KCNH1: variants seen among roughly 807,000 people sequenced by gnomAD.
KCNH1 encodes potassium voltage-gated channel subfamily H member 1.
A neutral mutation model predicts 69.2 loss-of-function variants in KCNH1; 27 were observed. The observed-to-expected ratio is 0.39, with a 90% CI of 0.29 to 0.54. The LOEUF is 0.54. KCNH1 is among the 20% of genes least tolerant of loss of function. KCNH1 has a pLI of 0.68. For synonymous variants in KCNH1, 456 were observed against 487.7 expected (o/e 0.93, Z 0.86); for missense variants, 798 against 1,261.6 (o/e 0.63, Z 5.57).
intron 9 of KCNH1, among the ~76,000 whole-genome samples, chr1:210,785,173 C>G (rs1024329210): frequency 6.6e-6 from 1 of 152,082 alleles, no homozygotes; most frequent in African/African-American, 2.4e-5. Flanking sequence ...CAAGGCTAGG[C>G]AGGACTATTG....
intron 10 of KCNH1, among the ~76,000 whole-genome samples, chr1:210,707,361 A>C (rs1380005555): frequency 2.0e-5 from 3 of 152,126 alleles, no homozygotes; most frequent in African/African-American, 7.2e-5. Flanking sequence ...GTCTGCCTGT[A>C]ATAAGGCAGG....
chr1:210,935,085 T>C lies in KCNH1; in HGVS notation c.1033-15016A>G, dbSNP rs192062685. ...AATAGCTAAGATATGGAATTTACCT[T>C]AGTGTCATCAACAGATAAATGGGCA... On this transcript the variant is annotated intron_variant, in intron 6 of 10. Transcript: ENST00000271751. Among the ~76,000 whole-genome samples the C allele has an allele frequency of 5.9e-3, 881 of 148,930 alleles. 10 individuals carry two copies. The highest frequency in any genetic ancestry group is 0.021 in the African/African-American group (839 of 40,304).
At chr1:210,891,807 C>T (rs1177641522) in intron 7 of KCNH1, among the ~76,000 whole-genome samples, 2 of 152,108 alleles carry the variant, frequency 1.3e-5, no homozygotes, top group Non-Finnish European at 1.5e-5. Context: ...AGACTTGGAA[C>T]CAACCCAAAT....
intron 10 of KCNH1, among the ~76,000 whole-genome samples, chr1:210,732,961 G>A (rs1304939333): frequency 6.6e-6 from 1 of 152,196 alleles, no homozygotes; most frequent in Admixed American, 6.5e-5. Flanking sequence ...TTCTGGATTA[G>A]GTGATGGGTC....
intron 5 of KCNH1, among the ~76,000 whole-genome samples, chr1:211,025,013 C>T (rs1012151943): frequency 3.3e-5 from 5 of 152,160 alleles, no homozygotes; most frequent in Non-Finnish European, 1.5e-5. Flanking sequence ...TTACATTTCC[C>T]TGAGTAACTC....
intron 6 of KCNH1, among the ~76,000 whole-genome samples, chr1:210,995,493 A>G (rs1245240602): frequency 6.6e-6 from 1 of 152,200 alleles, no homozygotes; most frequent in Admixed American, 6.5e-5. Flanking sequence ...CAGTACACAC[A>G]CAACTCTTAA....
intron 6 of KCNH1, among the ~76,000 whole-genome samples, chr1:210,980,083 C>T (rs1275011910): frequency 1.3e-5 from 2 of 152,134 alleles, no homozygotes; most frequent in Admixed American, 6.5e-5. Flanking sequence ...TATGCTTTTT[C>T]CTTCTATGTT....
intron 5 of KCNH1, among the ~76,000 whole-genome samples, chr1:211,026,771 C>T (rs924662948): frequency 2.0e-5 from 3 of 152,174 alleles, no homozygotes; most frequent in African/African-American, 7.2e-5. Flanking sequence ...TCCACCACTG[C>T]CCAGCAGTCA....
At chr1:211,062,069 T>A (rs933354890) in intron 5 of KCNH1, among the ~76,000 whole-genome samples, 1 of 152,084 alleles carries the variant, frequency 6.6e-6, no homozygotes, top group Non-Finnish European at 1.5e-5. Flanking sequence ...CAAATTATAC[T>A]ACAAAGCTGT....
intron 10 of KCNH1, among the ~76,000 whole-genome samples, chr1:210,731,232 G>A (rs755009919): frequency 2.6e-5 from 4 of 152,298 alleles, no homozygotes; most frequent in South Asian, 2.1e-4. Context: ...TACAGTGAGC[G>A]TGTATCCATG....
At chr1:211,119,967 A>G (rs1691658077) in intron 1 of KCNH1, among the ~76,000 whole-genome samples, 1 of 152,204 alleles carries the variant, frequency 6.6e-6, no homozygotes, top group Admixed American at 6.5e-5. Flanking sequence ...CATCAAATTA[A>G]TTTTAAAACA....
chr1:210,940,322 C>T (rs1687855139), intron 6 of KCNH1, among the ~76,000 whole-genome samples: 2 of 152,220 alleles, frequency 1.3e-5, no homozygotes, highest in South Asian at 4.1e-4. Flanking sequence ...AGCCTGTAAG[C>T]TGCAATGCAG....
At chr1:210,797,797 C>T (rs1375279849) in intron 8 of KCNH1, 37 bp from the exon 9 acceptor site, 1 of 1,588,532 alleles carries the variant, frequency 6.3e-7, no homozygotes, top group East Asian at 2.2e-5. Context: ...TGAGGGTCCT[C>T]ACTGTGGCCT....
chr1:211,071,783 A>C (rs576218020), intron 5 of KCNH1, among the ~76,000 whole-genome samples: 1 of 152,206 alleles, frequency 6.6e-6, no homozygotes, highest in African/African-American at 2.4e-5. Flanking sequence ...AAAAATTTTC[A>C]GTATACTTAT....
chr1:210,774,641 G>A (rs1219561476), intron 10 of KCNH1, among the ~76,000 whole-genome samples: 2 of 152,280 alleles, frequency 1.3e-5, no homozygotes, highest in African/African-American at 4.8e-5. Flanking sequence ...AACCAAAAGA[G>A]TCAGAGAGAT....
chr1:210,924,105 C>T (rs1012355702), intron 6 of KCNH1, among the ~76,000 whole-genome samples: 3 of 152,096 alleles, frequency 2.0e-5, no homozygotes, highest in Non-Finnish European at 4.4e-5. Context: ...CCAAAAATTG[C>T]CAGCATCACT....
At chr1:210,733,252 G>A (rs963890011) in intron 10 of KCNH1, among the ~76,000 whole-genome samples, 29 of 152,018 alleles carry the variant, frequency 1.9e-4, no homozygotes, top group Admixed American at 1.2e-3. Flanking sequence ...TCAATCAAAT[G>A]AGCTTAGGTT....
At chr1:210,763,161 T>C (rs762658893) in intron 10 of KCNH1, among the ~76,000 whole-genome samples, 4 of 151,942 alleles carry the variant, frequency 2.6e-5, no homozygotes, top group Non-Finnish European at 5.9e-5. Context: ...AAGTAGTCAA[T>C]ACAATCCAAC....
At chr1:210,805,099 C>A (rs1684507887) in intron 7 of KCNH1, among the ~76,000 whole-genome samples, 1 of 152,160 alleles carries the variant, frequency 6.6e-6, no homozygotes, top group South Asian at 2.1e-4. Flanking sequence ...CATGATTTAC[C>A]AGACATATTT....
Sources: gnomAD v4.1 joint callset for allele counts (sites outside exome capture counted in the v4.1 genomes callset) on GRCh38, gnomAD v4.1.1 for gene constraint, MANE v1.5 for transcripts, NCBI Gene and HGNC (gene_info 2026-07-23, HGNC 2026-07-21) for gene names.